C1orf87: variants seen among roughly 807,000 people sequenced by gnomAD.
C1orf87 encodes the protein uncharacterized protein C1orf87.
A neutral mutation model predicts 60.5 loss-of-function variants in C1orf87; 58 were observed. That is an observed-to-expected ratio of 0.96 (90% CI 0.78 to 1.19). The LOEUF is 1.19. Ranked by LOEUF, C1orf87 falls within the 50% of genes most tolerant of loss-of-function variation. The pLI is 0.00. For synonymous variants in C1orf87, 236 were observed against 227.4 expected, an observed-to-expected ratio of 1.04 and a Z score of -0.34; for missense variants, 673 against 638.6, an observed-to-expected ratio of 1.05 and a Z score of -0.58.
intron 8 of C1orf87, among the ~76,000 whole-genome samples, chr1:60,011,166 A>G (rs1213503033): frequency 6.6e-6 from 1 of 152,116 alleles, no homozygotes; most frequent in Non-Finnish European, 1.5e-5. Context: ...ATTGAGTAAT[A>G]TGTCTGCAAG....
chr1:59,995,547 C>G (rs1224356664), intron 11 of C1orf87, among the ~76,000 whole-genome samples: 1 of 152,228 alleles, frequency 6.6e-6, no homozygotes, highest in African/African-American at 2.4e-5. Context: ...TTCTCACCTT[C>G]TAACTTTTGC....
intron 8 of C1orf87, among the ~76,000 whole-genome samples, chr1:60,024,053 T>C (rs1193467773): frequency 6.6e-6 from 1 of 152,214 alleles, no homozygotes; most frequent in Non-Finnish European, 1.5e-5. Flanking sequence ...TAAGTGTTCT[T>C]TTAATATGCT....
intron 2 of C1orf87, among the ~76,000 whole-genome samples, chr1:60,063,893 C>T (rs559847951): frequency 1.1e-3 from 160 of 152,130 alleles, no homozygotes; most frequent in African/African-American, 3.6e-3. Context: ...ATAGGATTGA[C>T]GGATGCAAAT....
At chr1:60,049,322 G>A (rs1645396335) in intron 3 of C1orf87, among the ~76,000 whole-genome samples, 2 of 151,774 alleles carry the variant, frequency 1.3e-5, no homozygotes, top group Admixed American at 1.3e-4. Flanking sequence ...TATATCTCAG[G>A]GCAGAATTAA....
At position 59,990,724 on chromosome 1, in the gene C1orf87, C is replaced by T. The variant is rs762625287; in HGVS notation, c.1590G>A (p.Ser530=). ...CTGGCTCCAAGAGCATATTTTCTCC[C>T]GAACGGAATCTGCGCAAGGCCTGGT... ...KIDQALRRFR[S]GENMLLEPAL... Residue 530 remains serine (S), a synonymous_variant, in exon 12 of 12, where the codon TCG becomes TCA. Transcript: ENST00000371201. 135 of 1,613,884 alleles carry T rather than the reference C, an allele frequency of 8.4e-5. No individual in the cohort carries two copies. Among genetic ancestry groups the T allele is most frequent in the Middle Eastern group, 1.6e-4 (1 of 6,074 alleles).
intron 11 of C1orf87, among the ~76,000 whole-genome samples, chr1:59,997,364 G>A (rs919055): frequency 0.11 from 16,493 of 152,160 alleles, 1,215 homozygotes; most frequent in East Asian, 0.34. Context: ...AAATTGGATT[G>A]TGGGTTTACT....
chr1:59,995,777 G>A (rs1216620037), intron 11 of C1orf87, among the ~76,000 whole-genome samples: 1 of 152,140 alleles, frequency 6.6e-6, no homozygotes, highest in African/African-American at 2.4e-5. Flanking sequence ...TCCCACCTCA[G>A]CCTCCCAAAG....
intron 8 of C1orf87, among the ~76,000 whole-genome samples, chr1:60,014,545 A>T (rs1221866761): frequency 6.6e-6 from 1 of 152,150 alleles, no homozygotes; most frequent in Non-Finnish European, 1.5e-5. Flanking sequence ...TATTAAAAAA[A>T]ACAAACAAAC....
intron 8 of C1orf87, among the ~76,000 whole-genome samples, chr1:60,015,345 G>C (rs1645117966): frequency 1.3e-5 from 2 of 152,108 alleles, no homozygotes; most frequent in Non-Finnish European, 2.9e-5. Flanking sequence ...CTTCTGTCTT[G>C]ATCTTGGACT....
chr1:60,040,162 T>C lies in C1orf87; in HGVS notation c.502A>G (p.Ser168Gly). The C allele has an allele frequency of 1.2e-6, 2 of 1,613,450 alleles. No individual in the cohort carries two copies. The highest frequency in any genetic ancestry group is 2.2e-5 in the East Asian group (1 of 44,896). The change falls in exon 5 of 12, where the codon AGT becomes GGT. Residue 168 changes from serine (S) to glycine (G), a missense_variant. Ser to Gly is a moderately conservative substitution (Grantham distance 56, BLOSUM62 0). Coordinates refer to ENST00000371201, the MANE Select transcript of C1orf87 (RefSeq NM_152377.3). ...AAAGCGTCTTCATTTGTTGTCCCAC[T>C]TGGGCTCTGGCCAATATCCTAACAC... is the stretch of plus-strand genomic sequence containing the variant. ...DQPEDIGQSP[S>G]GTTNEDAFLL... is the part of the protein sequence containing the mutation.
intron 2 of C1orf87, among the ~76,000 whole-genome samples, chr1:60,058,201 C>T (rs1645470597): frequency 6.6e-6 from 1 of 152,102 alleles, no homozygotes; most frequent in Non-Finnish European, 1.5e-5. Flanking sequence ...GTAGTGATTA[C>T]CTTTGAGGGG....
chr1:60,002,878 G>A (rs541186798), intron 9 of C1orf87, among the ~76,000 whole-genome samples: 3,080 of 149,394 alleles, frequency 0.021, 89 homozygotes, highest in African/African-American at 0.072. Context: ...TGGTGGGACT[G>A]TAAACTAGTT....
At chr1:60,049,139 GT>G (rs1645394510) in intron 3 of C1orf87, among the ~76,000 whole-genome samples, 1 of 151,972 alleles carries the variant, frequency 6.6e-6, no homozygotes, top group Admixed American at 6.6e-5. Flanking sequence ...TGTAGATGTA[GT>G]TCTGCTAATT....
chr1:60,055,124 GT>G, intron 3 of C1orf87, 79 bp downstream of exon 3: 1 of 1,233,604 alleles, frequency 8.1e-7, no homozygotes, highest in Non-Finnish European at 1.2e-6. Context: ...TGTACAGTGT[GT>G]TTTTGTGTGA....
chr1:59,991,609 G>A (rs1644924273), intron 11 of C1orf87, among the ~76,000 whole-genome samples: 1 of 152,174 alleles, frequency 6.6e-6, no homozygotes, highest in Non-Finnish European at 1.5e-5. Flanking sequence ...CAAAGATGCA[G>A]AGGACTGACT....
chr1:59,994,039 G>A (rs1193422962), intron 11 of C1orf87, among the ~76,000 whole-genome samples: 7 of 152,102 alleles, frequency 4.6e-5, no homozygotes, highest in African/African-American at 7.2e-5. Flanking sequence ...GATTACAGGC[G>A]TGAGCCACTG....
rs117076419 is a variant in C1orf87 at position 60,015,620 on chromosome 1, A to G, written c.1128-5164T>C. On this transcript the variant is annotated intron_variant, in intron 8 of 11. Coordinates refer to ENST00000371201, the MANE Select transcript of C1orf87 (RefSeq NM_152377.3). Reference sequence around the variant, plus strand: ...CACTTTCTTGCTGTGTTCTCTGTGCATGGTCTTTCCTCTGTGCACCTACAT... The same window carrying G: ...CACTTTCTTGCTGTGTTCTCTGTGCGTGGTCTTTCCTCTGTGCACCTACAT... Among the ~76,000 whole-genome samples the G allele has an allele frequency of 9.5e-4, 145 of 152,192 alleles. 4 individuals are homozygous for G. In the East Asian group the frequency reaches 0.027, roughly 28 times the overall value.
At chr1:59,997,942 G>T (rs1303392166) in intron 10 of C1orf87, 126 bp from the exon 11 acceptor site, 2 of 872,402 alleles carry the variant, frequency 2.3e-6, no homozygotes, top group Non-Finnish European at 3.5e-6. Context: ...AAGCTAAGAG[G>T]ATGAGCTTCA....
intron 10 of C1orf87, 114 bp downstream of exon 10, chr1:60,000,963 C>T: frequency 1.2e-6 from 1 of 837,384 alleles, no homozygotes; most frequent in Non-Finnish European, 1.9e-6. Context: ...AGTCTGACAT[C>T]AAGGGTTTGG....
Sources: allele counts gnomAD v4.1 joint callset (sites outside exome capture counted in the v4.1 genomes callset), GRCh38; gene constraint gnomAD v4.1.1; transcripts MANE v1.5; gene names NCBI Gene and HGNC (gene_info 2026-07-23, HGNC 2026-07-21).